ACAD10: variants seen among roughly 807,000 people sequenced by gnomAD.
ACAD10 encodes acyl-CoA dehydrogenase family member 10.
In ACAD10, 112 loss-of-function variants were observed where a neutral mutation model predicts 116.8. The ratio of observed to expected loss-of-function variants is 0.96; its 90% CI spans 0.82 to 1.12. ACAD10 has a LOEUF of 1.12. Among genes scored for constraint, ACAD10 ranks in the 50% most tolerant of loss-of-function variants. The pLI is 0.00. For synonymous variants in ACAD10, 486 were observed against 510.6 expected (o/e 0.95, Z 0.65); for missense variants, 1,259 against 1,350.2 (o/e 0.93, Z 1.06).
rs201719680 is a variant in ACAD10 at position 111,734,015 on chromosome 12, T to C, written c.1487T>C (p.Val496Ala). The change falls in exon 11 of 21, where the codon GTG becomes GCG. Residue 496 changes from valine (V) to alanine (A), a missense_variant. Transcript: ENST00000313698. ...ACCTTGGGCGACCCCCTTGCTGATG[T>C]GGCCTACAGCTGCCTGGCTCATTAC... is the stretch of plus-strand genomic sequence containing the variant. ...LSTLGDPLAD[V>A]AYSCLAHYLP... The C allele has an allele frequency of 1.9e-6, 3 of 1,614,136 alleles. No individual in the cohort carries two copies. The highest frequency in any genetic ancestry group is 1.7e-5 in the Admixed American group (1 of 60,008).
At chr12:111,746,080 T>C in intron 13 of ACAD10, 64 bp from the exon 14 acceptor site, 3 of 1,575,526 alleles carry the variant, frequency 1.9e-6, no homozygotes, top group Non-Finnish European at 2.6e-6. Flanking sequence ...TTCATTGTTT[T>C]CCACGGTTCA....
intron 3 of ACAD10, among the ~76,000 whole-genome samples, chr12:111,702,845 G>T (rs542757136): frequency 1.6e-4 from 25 of 152,232 alleles, no homozygotes; most frequent in African/African-American, 6.0e-4. Flanking sequence ...TGTAACTTCA[G>T]CACTTTGGGA....
rs146934590 is a variant in ACAD10 at position 111,712,656 on chromosome 12, A to G, written c.849A>G (p.Thr283=). The G allele has an allele frequency of 6.2e-7, 1 of 1,613,358 alleles. No individual in the cohort carries two copies. Among genetic ancestry groups the G allele is most frequent in the Non-Finnish European group, 8.5e-7 (1 of 1,179,750 alleles). The part of the protein sequence containing the change: ...YLKDLLGIQT[T]GPLELLQFDH... ...AAGACTTACTGGGTATCCAGACCAC[A>G]GGTATGTGGGCTTCTTTCATGTTTT... The change falls in exon 6 of 21, where the codon ACA becomes ACG. Residue 283 remains threonine (T), a splice_region_variant and synonymous_variant. Coordinates refer to ENST00000313698, the MANE Select transcript of ACAD10 (RefSeq NM_025247.6).
At chr12:111,702,362 G>GCAACATTTTCTTT in intron 3 of ACAD10, 52 bp downstream of exon 3, 1 of 1,592,342 alleles carries the variant, frequency 6.3e-7, no homozygotes, top group Non-Finnish European at 8.6e-7. Context: ...GCCTTGAGTA[G>GCAACATTTTCTTT]TGGTTGCAAC....
Position 111,749,264 on chromosome 12 carries a change from C to T in ACAD10, c.2736C>T (p.Gly912=), listed in dbSNP as rs1890003521. The part of the protein sequence containing the change: ...GPGRGFEIAQ[G]RLGPGRIHHC... ...GCCGAGGCTTTGAGATCGCCCAGGGCAGACTGGGCCCCGGCAGGATCCATC... is the reference window on the plus strand; with the variant it reads ...GCCGAGGCTTTGAGATCGCCCAGGGTAGACTGGGCCCCGGCAGGATCCATC... Residue 912 remains glycine (G), a synonymous_variant, in exon 18 of 21, where the codon GGC becomes GGT. Transcript: ENST00000313698. 1.2e-6 allele frequency: 2 copies of T among 1,614,042 alleles called. No individual in the cohort carries two copies. Among genetic ancestry groups the T allele is most frequent in the African/African-American group, 1.3e-5 (1 of 74,936 alleles).
intron 2 of ACAD10, among the ~76,000 whole-genome samples, chr12:111,695,366 T>C (rs1268483996): frequency 1.3e-5 from 2 of 152,276 alleles, no homozygotes; most frequent in Non-Finnish European, 2.9e-5. Context: ...TGGTTGTTAC[T>C]AACTTCAAGA....
intron 12 of ACAD10, 77 bp from the exon 13 acceptor site, chr12:111,744,566 G>C (rs1889834099): frequency 6.6e-7 from 1 of 1,524,090 alleles, no homozygotes; most frequent in Non-Finnish European, 8.9e-7. Flanking sequence ...CTGCTGAAGT[G>C]ACAGTGTCAT....
intron 18 of ACAD10, 112 bp from the exon 19 acceptor site, chr12:111,753,660 C>T (rs957759095): frequency 1.4e-6 from 2 of 1,426,724 alleles, no homozygotes. Flanking sequence ...TCACTCTCCT[C>T]CCCTGCCCTG....
At chr12:111,727,554 C>G (rs1889252163) in intron 8 of ACAD10, among the ~76,000 whole-genome samples, 1 of 152,072 alleles carries the variant, frequency 6.6e-6, no homozygotes, top group African/African-American at 2.4e-5. Flanking sequence ...AATAAATAAA[C>G]AAAAAATAAA....
intron 11 of ACAD10, among the ~76,000 whole-genome samples, chr12:111,736,185 G>GTTTTTTTTT (rs35268951): frequency 1.0e-5 from 1 of 97,754 alleles, no homozygotes; most frequent in Non-Finnish European, 2.0e-5. Flanking sequence ...CCAGCCAATT[G>GTTTTTTTTT]TTTTTTTTTT....
chr12:111,705,612 A>C, intron 3 of ACAD10, 126 bp from the exon 4 acceptor site: 1 of 832,516 alleles, frequency 1.2e-6, no homozygotes, highest in Non-Finnish European at 1.9e-6. Flanking sequence ...GCAGCAAGCT[A>C]TGAGCCTGGG....
chr12:111,734,179 C>CCTGGTGGTT (rs1161861024), intron 11 of ACAD10, 111 bp downstream of exon 11: 1 of 1,461,700 alleles, frequency 6.8e-7, no homozygotes, highest in Non-Finnish European at 9.3e-7. Context: ...AAAGTGAGGT[C>CCTGGTGGTT]CTGGTGGTTC....
At chr12:111,701,302 C>T (rs1484546405) in intron 2 of ACAD10, among the ~76,000 whole-genome samples, 1 of 152,188 alleles carries the variant, frequency 6.6e-6, no homozygotes, top group Non-Finnish European at 1.5e-5. Context: ...CACAAATGTT[C>T]CCAGTATTCT....
At chr12:111,731,739 G>A (rs371018599) in intron 10 of ACAD10, among the ~76,000 whole-genome samples, 1 of 152,320 alleles carries the variant, frequency 6.6e-6, no homozygotes, top group East Asian at 1.9e-4. Flanking sequence ...CTTGCTAGTG[G>A]AGTGAATCAG....
chr12:111,715,210 G>C (rs557872983), intron 6 of ACAD10, among the ~76,000 whole-genome samples: 1 of 152,366 alleles, frequency 6.6e-6, no homozygotes, highest in South Asian at 2.1e-4. Flanking sequence ...TTCTAACCAA[G>C]TGAAATCAGT....
At chr12:111,698,901 A>G (rs960356498) in intron 2 of ACAD10, among the ~76,000 whole-genome samples, 1 of 151,830 alleles carries the variant, frequency 6.6e-6, no homozygotes, top group Non-Finnish European at 1.5e-5. Flanking sequence ...TCTTTTTGAA[A>G]CGGAATTTTA....
rs901798988 is a variant in ACAD10, at chr12:111,745,048, A to G, written c.2115+5A>G. 2 of 1,609,812 alleles carry G rather than the reference A, an allele frequency of 1.2e-6. No individual in the cohort carries two copies. Among genetic ancestry groups the G allele is most frequent in the Admixed American group, 1.7e-5 (1 of 59,854 alleles). On this transcript the variant is annotated splice_donor_5th_base_variant and intron_variant, in intron 13 of 20. Transcript: ENST00000313698. ...CCACTGATCGAAGACCTCAAGGTAA[A>G]GCAGCCATGGTGAGGTGGTAAGACC...
At chr12:111,713,316 GA>G (rs58158093) in intron 6 of ACAD10, among the ~76,000 whole-genome samples, 4,034 of 131,868 alleles carry the variant, frequency 0.031, 101 homozygotes, top group African/African-American at 0.069. Flanking sequence ...ATCTCGGGGG[GA>G]AAAAAAAAAA....
At chr12:111,722,076 A>G (rs1889028389) in intron 8 of ACAD10, 1 of 161,150 alleles carries the variant, frequency 6.2e-6, no homozygotes, top group Non-Finnish European at 1.3e-5. Flanking sequence ...TCATTCTGTC[A>G]CCCAGACTGG....
Sources: gnomAD v4.1 joint callset for allele counts (sites outside exome capture counted in the v4.1 genomes callset) on GRCh38, gnomAD v4.1.1 for gene constraint, MANE v1.5 for transcripts, NCBI Gene and HGNC (gene_info 2026-07-23, HGNC 2026-07-21) for gene names.